The following TACC2 variants were observed in gnomAD, a reference collection of about 807,000 sequenced individuals.
TACC2 encodes transforming acidic coiled-coil-containing protein 2.
TACC2 carries 137 observed loss-of-function variants against 227.3 expected under a neutral mutation model. The observed-to-expected ratio is 0.60, with a 90% CI of 0.52 to 0.69. The LOEUF (loss-of-function observed/expected upper bound fraction) is 0.69. Among genes scored for constraint, TACC2 ranks in the 30% least tolerant of loss-of-function variants. TACC2 has a pLI of 0.00. For missense variants in TACC2, 3,470 were observed against 3,694.4 expected (o/e 0.94, Z 1.57); for synonymous variants, 1,523 against 1,487.5 (o/e 1.02, Z -0.55).
At chr10:122,012,467 T>C (rs1956069776) in intron 1 of TACC2, among the ~76,000 whole-genome samples, 1 of 149,082 alleles carries the variant, frequency 6.7e-6, no homozygotes, top group Non-Finnish European at 1.5e-5. Context: ...TTGGCCAGGC[T>C]GATCTCGAAC....
intron 1 of TACC2, among the ~76,000 whole-genome samples, chr10:122,009,951 T>A (rs1955717957): frequency 6.6e-6 from 1 of 152,038 alleles, no homozygotes; most frequent in African/African-American, 2.4e-5. Flanking sequence ...GAAACAGAGG[T>A]TTTAAAAAGC....
chr10:122,090,095 G>T (rs1054977044), intron 5 of TACC2, among the ~76,000 whole-genome samples: 1 of 151,696 alleles, frequency 6.6e-6, no homozygotes, highest in Admixed American at 6.6e-5. Flanking sequence ...CCTTAAACAT[G>T]TTAGCACCTT....
In TACC2 at chr10:122,100,870, G is replaced by T. The variant is rs12774142; in HGVS notation, c.5573+12279G>T. ...ATGTTGGCCAGACCCATGTGCCCAT[G>T]TCTCTGGGTGACCCCTCTGCCTGCC... On this transcript the variant is annotated intron_variant, in intron 5 of 22. Coordinates refer to ENST00000369005, the MANE Select transcript of TACC2 (RefSeq NM_206862.4). 6.7e-3 allele frequency among the ~76,000 whole-genome samples: 1,017 copies of T among 152,290 alleles called. 6 individuals are homozygous for T. The highest frequency in any genetic ancestry group is 0.014 in the Middle Eastern group (4 of 294).
intron 3 of TACC2, among the ~76,000 whole-genome samples, chr10:122,056,455 G>A (rs1365839909): frequency 3.3e-5 from 5 of 152,214 alleles, no homozygotes; most frequent in Non-Finnish European, 5.9e-5. Context: ...GATTACAGGC[G>A]TGAGCCACTG....
chr10:122,193,731 C>T (rs976553751), intron 7 of TACC2, among the ~76,000 whole-genome samples: 8 of 152,154 alleles, frequency 5.3e-5, no homozygotes, highest in African/African-American at 1.2e-4. Context: ...AGCCCAACTG[C>T]GACTGCTGCT....
At chr10:121,994,245 C>T (rs1220726013) in intron 1 of TACC2, among the ~76,000 whole-genome samples, 2 of 152,324 alleles carry the variant, frequency 1.3e-5, no homozygotes, top group Non-Finnish European at 1.5e-5. Flanking sequence ...GATGACCTGT[C>T]CCTATTTACT....
intron 13 of TACC2, among the ~76,000 whole-genome samples, chr10:122,226,953 C>T (rs1312466682): frequency 6.6e-6 from 1 of 152,218 alleles, no homozygotes; most frequent in Admixed American, 6.5e-5. Context: ...CCTGTACCCC[C>T]TCCTGGTTGT....
chr10:122,158,563 A>C (rs544125805), intron 7 of TACC2, among the ~76,000 whole-genome samples: 1 of 152,316 alleles, frequency 6.6e-6, no homozygotes, highest in South Asian at 2.1e-4. Context: ...TTCCTGCTGA[A>C]GAGTCACCTG....
intron 7 of TACC2, among the ~76,000 whole-genome samples, chr10:122,179,436 G>A (rs894823084): frequency 6.6e-6 from 1 of 152,184 alleles, no homozygotes; most frequent in African/African-American, 2.4e-5. Context: ...CAATTATAGC[G>A]CAAGTAAAAA....
intron 7 of TACC2, among the ~76,000 whole-genome samples, chr10:122,191,262 T>C (rs1410305969): frequency 6.6e-6 from 1 of 152,186 alleles, no homozygotes; most frequent in Non-Finnish European, 1.5e-5. Flanking sequence ...ATTACAAGTG[T>C]GCACCACGAT....
intron 5 of TACC2, among the ~76,000 whole-genome samples, chr10:122,119,114 T>C (rs958677895): frequency 3.3e-5 from 5 of 152,214 alleles, no homozygotes; most frequent in Non-Finnish European, 7.3e-5. Context: ...ACTGTATCCA[T>C]TAAACAACAA....
intron 1 of TACC2, among the ~76,000 whole-genome samples, chr10:122,002,437 C>CTGTG (rs145232452): frequency 6.6e-6 from 1 of 151,558 alleles, no homozygotes; most frequent in Non-Finnish European, 1.5e-5. Context: ...TAGTTTTTGT[C>CTGTG]TGTGTGTGTG....
intron 5 of TACC2, among the ~76,000 whole-genome samples, chr10:122,088,971 C>T (rs915335258): frequency 9.2e-5 from 14 of 152,168 alleles, no homozygotes; most frequent in Admixed American, 3.3e-4. Flanking sequence ...AAAGATTAGC[C>T]GGGCACAGTG....
At chr10:122,003,729 C>G (rs893929570) in intron 1 of TACC2, among the ~76,000 whole-genome samples, 1 of 151,900 alleles carries the variant, frequency 6.6e-6, no homozygotes, top group African/African-American at 2.4e-5. Flanking sequence ...GATCTGGGCT[C>G]ACTGCGAGCT....
intron 7 of TACC2, among the ~76,000 whole-genome samples, chr10:122,155,930 C>T (rs369172882): frequency 7.9e-5 from 12 of 151,088 alleles, no homozygotes; most frequent in Non-Finnish European, 1.5e-4. Context: ...CTCCGCCTCC[C>T]GGGCTCACAC....
At chr10:122,088,318 C>T (rs1275514423) in intron 4 of TACC2, among the ~76,000 whole-genome samples, 160 bp from the exon 5 acceptor site, 1 of 149,852 alleles carries the variant, frequency 6.7e-6, no homozygotes, top group Non-Finnish European at 1.5e-5. Flanking sequence ...GCTTTTGAAT[C>T]TGGATTTATT....
At chr10:122,042,457 G>C (rs1230739935) in intron 2 of TACC2, among the ~76,000 whole-genome samples, 1 of 151,940 alleles carries the variant, frequency 6.6e-6, no homozygotes, top group African/African-American at 2.4e-5. Flanking sequence ...TGGCCAGGCT[G>C]GTCTCGAACT....
chr10:122,229,028 C>T (rs2095681936), intron 14 of TACC2, among the ~76,000 whole-genome samples: 1 of 152,000 alleles, frequency 6.6e-6, no homozygotes, highest in Non-Finnish European at 1.5e-5. Flanking sequence ...TTGGAAAACC[C>T]ACCAGCTAAC....
At chr10:122,125,118 A>G (rs995921194) in intron 5 of TACC2, among the ~76,000 whole-genome samples, 1 of 152,136 alleles carries the variant, frequency 6.6e-6, no homozygotes, top group Non-Finnish European at 1.5e-5. Context: ...GTCAAAAAGC[A>G]TGTGCCATGC....
Sources: gnomAD v4.1 joint callset for allele counts (sites outside exome capture counted in the v4.1 genomes callset) on GRCh38, gnomAD v4.1.1 for gene constraint, MANE v1.5 for transcripts, NCBI Gene and HGNC (gene_info 2026-07-23, HGNC 2026-07-21) for gene names.